Variants in SLC22A3 observed in about 807,000 individuals in gnomAD.
The protein encoded by SLC22A3 is solute carrier family 22 member 3.
Under a neutral mutation model 59.1 loss-of-function variants are expected in SLC22A3, and 51 were observed. The observed-to-expected ratio is 0.86, with a 90% CI of 0.69 to 1.09. The LOEUF (loss-of-function observed/expected upper bound fraction) is 1.09. Ranked by LOEUF, SLC22A3 falls within the 50% of genes least tolerant of loss-of-function variation. The probability of loss-of-function intolerance (pLI) is 0.00; values close to 1 mark genes in which losing one functional copy is unlikely to be tolerated. For synonymous variants in SLC22A3, 325 were observed against 292.0 expected, an observed-to-expected ratio of 1.11 and a Z score of -1.15; for missense variants, 711 against 726.3, an observed-to-expected ratio of 0.98 and a Z score of 0.24.
At chr6:160,365,078 T>C (rs1395036906) in intron 1 of SLC22A3, among the ~76,000 whole-genome samples, 1 of 152,220 alleles carries the variant, frequency 6.6e-6, no homozygotes, top group Non-Finnish European at 1.5e-5. Flanking sequence ...ACTTGATTCA[T>C]GAACCATTAA....
intron 1 of SLC22A3, among the ~76,000 whole-genome samples, chr6:160,350,267 A>C (rs1432743018): frequency 6.6e-6 from 1 of 151,374 alleles, no homozygotes; most frequent in South Asian, 2.1e-4. Flanking sequence ...GGGTGTTTCT[A>C]TAATGCCACA....
intron 2 of SLC22A3, 110 bp from the exon 3 acceptor site, chr6:160,406,931 T>C (rs1787037126): frequency 8.2e-7 from 1 of 1,214,946 alleles, no homozygotes; most frequent in Non-Finnish European, 1.1e-6. Context: ...AATAAAATGA[T>C]ATAATGTAAT....
chr6:160,349,113 A>C (rs994901538), intron 1 of SLC22A3: 1 of 978,290 alleles, frequency 1.0e-6, no homozygotes, highest in African/African-American at 1.8e-5. Flanking sequence ...CTTTCTTCGA[A>C]GCCGAGTTGT....
At position 160,356,247 on chromosome 6, in the gene SLC22A3, G is replaced by A. The variant is rs934919589; in HGVS notation, c.429+7399G>A. 1.9e-4 allele frequency among the ~76,000 whole-genome samples: 29 copies of A among 152,194 alleles called. 1 individual carries two copies. The highest frequency in any genetic ancestry group is 1.9e-3 in the Admixed American group (29 of 15,286). Reference sequence around the variant, plus strand: ...CATGAGGTGTGATCAGTCACAGGGTGAACAATCATCGGCGGCCATGGCCGC... The same window carrying A: ...CATGAGGTGTGATCAGTCACAGGGTAAACAATCATCGGCGGCCATGGCCGC... On this transcript the variant is annotated intron_variant, in intron 1 of 10. Transcript: ENST00000275300.
At chr6:160,382,999 A>C (rs887214886) in intron 1 of SLC22A3, among the ~76,000 whole-genome samples, 5 of 152,220 alleles carry the variant, frequency 3.3e-5, no homozygotes, top group Admixed American at 6.5e-5. Context: ...CCCAATCTTA[A>C]GAATAGAAAG....
chr6:160,405,954 AT>A (rs1786997786), intron 2 of SLC22A3, among the ~76,000 whole-genome samples: 1 of 152,140 alleles, frequency 6.6e-6, no homozygotes, highest in African/African-American at 2.4e-5. Context: ...AGCACAGAGG[AT>A]TTTTAGAGCA....
At chr6:160,403,159 GGAGA>G (rs953960780) in intron 2 of SLC22A3, among the ~76,000 whole-genome samples, 5 of 150,820 alleles carry the variant, frequency 3.3e-5, no homozygotes, top group Non-Finnish European at 7.4e-5. Flanking sequence ...AAAAGAAAGA[GGAGA>G]GAGAGAGAGG....
chr6:160,447,439 G>A (rs115312110), intron 9 of SLC22A3, among the ~76,000 whole-genome samples: 1,988 of 152,288 alleles, frequency 0.013, 29 homozygotes, highest in Middle Eastern at 0.051. Flanking sequence ...CTTGGGTGTT[G>A]GACCCTAAGA....
chr6:160,433,622 T>A (rs1303231738), intron 5 of SLC22A3, among the ~76,000 whole-genome samples: 1 of 152,084 alleles, frequency 6.6e-6, no homozygotes, highest in African/African-American at 2.4e-5. Context: ...GTGGGAGGAT[T>A]GCTTGAGTCG....
At chr6:160,395,259 G>A (rs552410406) in intron 1 of SLC22A3, among the ~76,000 whole-genome samples, 32 of 152,298 alleles carry the variant, frequency 2.1e-4, no homozygotes, top group African/African-American at 7.0e-4. Flanking sequence ...TGGGTTTAAA[G>A]AATATTTTGG....
At chr6:160,379,329 T>C (rs1410413623) in intron 1 of SLC22A3, among the ~76,000 whole-genome samples, 1 of 152,208 alleles carries the variant, frequency 6.6e-6, no homozygotes, top group Non-Finnish European at 1.5e-5. Flanking sequence ...ACATGGGGTC[T>C]TAGAATGCAC....
intron 5 of SLC22A3, among the ~76,000 whole-genome samples, chr6:160,435,613 T>C (rs969496450): frequency 6.6e-6 from 1 of 152,172 alleles, no homozygotes. Flanking sequence ...GTACTATCAG[T>C]GTGTGTATGC....
intron 1 of SLC22A3, among the ~76,000 whole-genome samples, chr6:160,354,852 CCCA>C (rs1250596744): frequency 6.6e-6 from 1 of 152,120 alleles, no homozygotes; most frequent in Non-Finnish European, 1.5e-5. Flanking sequence ...CCCACTGGAC[CCCA>C]CAGGTAGGTC....
intron 2 of SLC22A3, among the ~76,000 whole-genome samples, chr6:160,403,110 G>A (rs1583481290): frequency 6.6e-6 from 1 of 150,568 alleles, no homozygotes. Flanking sequence ...TATTTGAAAC[G>A]ATCAAAAAAA....
At position 160,452,313 on chromosome 6, in the gene SLC22A3, G is replaced by A. The variant is rs1047311156; in HGVS notation, c.*1257G>A. 9 of 152,182 alleles carry A rather than the reference G, an allele frequency of 5.9e-5. No individual in the cohort carries two copies. Among genetic ancestry groups the A allele is most frequent in the African/African-American group, 2.2e-4 (9 of 41,446 alleles). 9.4% of individuals were successfully genotyped at this position (152,182 alleles called of 1,614,324 possible). Reference sequence around the variant, plus strand: ...AAGAGCATTTTTCTAAGGAGAACAGGTGACAATATACACATGTGCGCTAAT... The same window carrying A: ...AAGAGCATTTTTCTAAGGAGAACAGATGACAATATACACATGTGCGCTAAT... On this transcript the variant is annotated 3_prime_UTR_variant, in exon 11 of 11. Coordinates refer to ENST00000275300, the MANE Select transcript of SLC22A3 (RefSeq NM_021977.4).
In SLC22A3 at chr6:160,365,528, G is replaced by A. The variant is rs182374928; in HGVS notation, c.429+16680G>A. On this transcript the variant is annotated intron_variant, in intron 1 of 10. Coordinates refer to ENST00000275300, the MANE Select transcript of SLC22A3 (RefSeq NM_021977.4). The stretch of plus-strand genomic sequence containing the variant: ...ACACTTGCAGTTCCCAGATGTTGCC[G>A]TTGTCACAGGTCTTGGGACCACACT... 5.3e-5 allele frequency among the ~76,000 whole-genome samples: 8 copies of A among 152,324 alleles called. No individual in the cohort carries two copies. The East Asian group carries it at 1.3e-3, about 26-fold the overall frequency.
chr6:160,348,434 C>T lies in SLC22A3; in HGVS notation c.15C>T (p.Asp5=), dbSNP rs551703018. The T allele has an allele frequency of 2.0e-6, 3 of 1,509,286 alleles. No homozygotes were observed. Among genetic ancestry groups the T allele is most frequent in the African/African-American group, 1.4e-5 (1 of 69,522 alleles). 93.5% of individuals were successfully genotyped at this position (1,509,286 alleles called of 1,614,324 possible). A position where few individuals can be genotyped will look rare whatever the true frequency, so the allele number is the denominator to read the frequency against. The part of the protein sequence containing the change: MPSF[D]EALQRVGEFG... ...GCGGGCGCACCATGCCCTCCTTCGACGAGGCGCTGCAGCGGGTGGGCGAGT... is the reference window on the plus strand; with the variant it reads ...GCGGGCGCACCATGCCCTCCTTCGATGAGGCGCTGCAGCGGGTGGGCGAGT... Residue 5 remains aspartate (D), a synonymous_variant, in exon 1 of 11, where the codon GAC becomes GAT. Coordinates refer to ENST00000275300, the MANE Select transcript of SLC22A3 (RefSeq NM_021977.4).
At position 160,407,035 on chromosome 6, in the gene SLC22A3, A is replaced by T; in HGVS notation, c.534-6A>T. ...GGTGAGCTCTTTTCCTGTCTTTCTC[A>T]AAAAGGTATGGCAGGATCGTCATTT... On this transcript the variant is annotated splice_polypyrimidine_tract_variant and splice_region_variant and intron_variant, in intron 2 of 10. Coordinates refer to ENST00000275300, the MANE Select transcript of SLC22A3 (RefSeq NM_021977.4). The T allele has an allele frequency of 6.2e-7, 1 of 1,612,876 alleles. No homozygotes were observed. Among genetic ancestry groups the T allele is most frequent in the Non-Finnish European group, 8.5e-7 (1 of 1,179,366 alleles).
At chr6:160,430,493 G>A (rs1177635656) in intron 5 of SLC22A3, among the ~76,000 whole-genome samples, 1 of 152,150 alleles carries the variant, frequency 6.6e-6, no homozygotes, top group Non-Finnish European at 1.5e-5. Context: ...TCACCAGGAA[G>A]AATTGCAAAG....
Sources: gnomAD v4.1 joint callset for allele counts (sites outside exome capture counted in the v4.1 genomes callset) on GRCh38, gnomAD v4.1.1 for gene constraint, MANE v1.5 for transcripts, NCBI Gene and HGNC (gene_info 2026-07-23, HGNC 2026-07-21) for gene names.